The following ATAD1 variants were observed in gnomAD, a reference collection of about 807,000 sequenced individuals.
ATAD1 encodes the protein ATPase family AAA domain containing 1.
Under a neutral mutation model 42.7 loss-of-function variants are expected in ATAD1, and 18 were observed. That is an observed-to-expected ratio of 0.42 (90% CI 0.29 to 0.63). The LOEUF (loss-of-function observed/expected upper bound fraction) is 0.63. ATAD1 is among the 20% of genes least tolerant of loss of function. The pLI, the probability that ATAD1 is intolerant of heterozygous loss-of-function variation, is 0.19. For synonymous variants in ATAD1, 132 were observed against 143.1 expected (o/e 0.92, Z 0.55); for missense variants, 294 against 440.4 (o/e 0.67, Z 2.98).
At chr10:87,835,035 A>C (rs190179136) in intron 1 of ATAD1, among the ~76,000 whole-genome samples, 2 of 152,128 alleles carry the variant, frequency 1.3e-5, no homozygotes, top group East Asian at 3.9e-4. Context: ...ATTACTTAGA[A>C]GTATAATGTT....
At chr10:87,757,644 G>A (rs949966300) in intron 8 of ATAD1, among the ~76,000 whole-genome samples, 1 of 152,190 alleles carries the variant, frequency 6.6e-6, no homozygotes, top group South Asian at 2.1e-4. Flanking sequence ...GTCAGAGCCA[G>A]GATTTGAACA....
chr10:87,783,296 G>C (rs1185967148), intron 5 of ATAD1, among the ~76,000 whole-genome samples: 1 of 151,896 alleles, frequency 6.6e-6, no homozygotes, highest in Admixed American at 6.6e-5. Flanking sequence ...ACTTGAGCCT[G>C]GGGAGGTTGA....
intron 2 of ATAD1, among the ~76,000 whole-genome samples, chr10:87,800,380 T>C (rs1856632011): frequency 1.3e-5 from 2 of 152,192 alleles, no homozygotes; most frequent in South Asian, 4.1e-4. Context: ...TTTCAACTCA[T>C]TTTCAGCTCA....
intron 4 of ATAD1, among the ~76,000 whole-genome samples, chr10:87,789,760 G>C (rs922985094): frequency 1.3e-4 from 20 of 151,962 alleles, no homozygotes; most frequent in Non-Finnish European, 1.5e-5. Flanking sequence ...AAAAAAGAAA[G>C]ATTTGAATGA....
At position 87,792,429 on chromosome 10, in the gene ATAD1, C is replaced by T. The variant is rs186091501; in HGVS notation, c.261+228G>A. ...CTGTGTGACTCCACTTGGAATCTTG[C>T]GCCTGGCTTCCTTCAGACTTCATCC... On this transcript the variant is annotated intron_variant, in intron 3 of 9. Coordinates refer to ENST00000680024, the MANE Select transcript of ATAD1 (RefSeq NM_001321967.2). Among the ~76,000 whole-genome samples the T allele has an allele frequency of 5.4e-3, 825 of 152,276 alleles. 7 individuals carry two copies. Among genetic ancestry groups the T allele is most frequent in the African/African-American group, 0.019 (792 of 41,562 alleles).
chr10:87,822,850 C>G (rs1170213144), upstream of ATAD1, among the ~76,000 whole-genome samples: 1 of 150,904 alleles, frequency 6.6e-6, no homozygotes, highest in African/African-American at 2.4e-5. Context: ...CCTCATTTAC[C>G]CTGATGTGAT....
rs146037801 is a variant in ATAD1, at chr10:87,776,220, T to A, written c.690+101A>T. ...ACTTAGTCATAAGTGTAAATAATTA[T>A]GAAAAAAAAGTTTGTACAAAAGCAT... On this transcript the variant is annotated intron_variant, in intron 6 of 9. Coordinates refer to ENST00000680024, the MANE Select transcript of ATAD1 (RefSeq NM_001321967.2). The A allele has an allele frequency of 8.5e-4, 687 of 809,028 alleles. 3 individuals are homozygous for A. The African/African-American group carries it at 0.011, about 13-fold the overall frequency. 50.1% of individuals were successfully genotyped at this position (809,028 alleles called of 1,614,324 possible).
intron 2 of ATAD1, among the ~76,000 whole-genome samples, chr10:87,811,294 C>T (rs1486727461): frequency 1.3e-5 from 2 of 151,926 alleles, no homozygotes; most frequent in Non-Finnish European, 2.9e-5. Flanking sequence ...GATTGTACCA[C>T]TGCACTCCAG....
At chr10:87,794,074 G>A (rs1475084752) in intron 2 of ATAD1, among the ~76,000 whole-genome samples, 2 of 152,068 alleles carry the variant, frequency 1.3e-5, no homozygotes, top group African/African-American at 4.8e-5. Flanking sequence ...TCAAAACTTA[G>A]CTGTATGTGG....
At chr10:87,778,170 GAATA>G (rs910818510) in intron 5 of ATAD1, among the ~76,000 whole-genome samples, 2 of 56,758 alleles carry the variant, frequency 3.5e-5, no homozygotes, top group South Asian at 4.7e-4. Flanking sequence ...TAAGATATTA[GAATA>G]AATTAAAAAA....
intron 4 of ATAD1, among the ~76,000 whole-genome samples, chr10:87,788,921 A>T (rs1374932238): frequency 6.6e-6 from 1 of 152,184 alleles, no homozygotes; most frequent in Non-Finnish European, 1.5e-5. Context: ...GTGTTTTGTT[A>T]GGAAAAACTA....
intron 5 of ATAD1, among the ~76,000 whole-genome samples, chr10:87,781,012 C>T (rs1855535968): frequency 6.6e-6 from 1 of 152,134 alleles, no homozygotes; most frequent in Non-Finnish European, 1.5e-5. Context: ...AGTCTGGGAA[C>T]ACACAAACTG....
chr10:87,774,226 A>G (rs1252744420), intron 6 of ATAD1, among the ~76,000 whole-genome samples: 1 of 152,244 alleles, frequency 6.6e-6, no homozygotes, highest in East Asian at 1.9e-4. Context: ...AAATTAATCT[A>G]CAATTTTGCA....
intron 1 of ATAD1, among the ~76,000 whole-genome samples, chr10:87,828,194 T>C (rs945410366): frequency 2.6e-5 from 4 of 152,022 alleles, no homozygotes; most frequent in Admixed American, 6.6e-5. Flanking sequence ...AAACTCCTGG[T>C]CTCAAGCATC....
At position 87,752,917 on chromosome 10, in the gene ATAD1, G is replaced by A. The variant is rs751493059; in HGVS notation, c.*1770C>T. 1.3e-5 allele frequency: 2 copies of A among 151,978 alleles called. No homozygotes were observed. The highest frequency in any genetic ancestry group is 4.8e-5 in the African/African-American group (2 of 41,370). The allele number at this position is 151,978 out of a possible 1,614,324, so 9.4% of individuals were successfully genotyped here. A position where few individuals can be genotyped will look rare whatever the true frequency, so the allele number is the denominator to read the frequency against. ...GAGGTATACATTACTCCTTATTTTC[G>A]ATTAATATGTCACCAGATTAAAATT... On this transcript the variant is annotated 3_prime_UTR_variant, in exon 10 of 10. Transcript: ENST00000680024.
intron 1 of ATAD1, among the ~76,000 whole-genome samples, chr10:87,824,210 C>T (rs763673440): frequency 5.4e-5 from 8 of 147,912 alleles, no homozygotes; most frequent in African/African-American, 8.0e-5. Flanking sequence ...ATAGATTTAA[C>T]CTGATTAAAG....
chr10:87,793,834 T>C (rs1165259282), intron 2 of ATAD1, among the ~76,000 whole-genome samples: 4 of 152,176 alleles, frequency 2.6e-5, no homozygotes, highest in Non-Finnish European at 5.9e-5. Flanking sequence ...AATCTTGCTG[T>C]CTATCCAGGG....
At chr10:87,773,931 C>T (rs1310474229) in intron 6 of ATAD1, among the ~76,000 whole-genome samples, 1 of 152,124 alleles carries the variant, frequency 6.6e-6, no homozygotes, top group Admixed American at 6.5e-5. Context: ...CATTGATAAA[C>T]CGCATAGATT....
At chr10:87,780,052 C>A (rs1277491253) in intron 5 of ATAD1, among the ~76,000 whole-genome samples, 1 of 152,124 alleles carries the variant, frequency 6.6e-6, no homozygotes, top group Non-Finnish European at 1.5e-5. Flanking sequence ...CTCCTAATTG[C>A]CCAAAACAAG....
Sources: allele counts gnomAD v4.1 joint callset (sites outside exome capture counted in the v4.1 genomes callset), GRCh38; gene constraint gnomAD v4.1.1; transcripts MANE v1.5; gene names NCBI Gene and HGNC (gene_info 2026-07-23, HGNC 2026-07-21).